SORL1: variants seen among roughly 807,000 people sequenced by gnomAD.
The protein encoded by SORL1 is sortilin-related receptor.
In SORL1, 127 loss-of-function variants were observed where a neutral mutation model predicts 273.7. The ratio of observed to expected loss-of-function variants is 0.46; its 90% CI spans 0.40 to 0.54. The LOEUF (loss-of-function observed/expected upper bound fraction) is 0.54, where lower values mean the gene tolerates loss of function less well. SORL1 is among the 20% of genes least tolerant of loss of function. SORL1 has a pLI of 0.00. For synonymous variants in SORL1, 1,031 were observed against 1,067.4 expected, an observed-to-expected ratio of 0.97 and a Z score of 0.66; for missense variants, 2,494 against 2,846.1, an observed-to-expected ratio of 0.88 and a Z score of 2.81.
intron 35 of SORL1, among the ~76,000 whole-genome samples, chr11:121,605,835 G>A (rs1047653694): frequency 2.0e-5 from 3 of 152,096 alleles, no homozygotes; most frequent in Admixed American, 6.5e-5. Flanking sequence ...CTACCTCTAC[G>A]TTCCTCCTCT....
chr11:121,604,624 G>A (rs1370454615), intron 33 of SORL1, among the ~76,000 whole-genome samples: 1 of 152,018 alleles, frequency 6.6e-6, no homozygotes, highest in African/African-American at 2.4e-5. Context: ...ATCTGCTGGT[G>A]GGATTAACTC....
rs1863848027 is a variant in SORL1 at position 121,629,702 on chromosome 11, AAAAGGAAAG to A, written c.*147_*155del. The A allele has an allele frequency of 8.3e-6, 5 of 604,556 alleles. No homozygotes were observed. The Admixed American group carries it at 1.5e-4, about 18-fold the overall frequency. The allele number at this position is 604,556 out of a possible 1,614,324, so 37.4% of individuals were successfully genotyped here. A position where few individuals can be genotyped will look rare whatever the true frequency, so the allele number is the denominator to read the frequency against. ...CCAAAAACAAAAAACAAAAAAAAAAAAAAGGAAAGAAAGGAATGAATAAACTTTGTAGTA... is the reference window on the plus strand; with the variant it reads ...CCAAAAACAAAAAACAAAAAAAAAAAAAAGGAATGAATAAACTTTGTAGTA... On this transcript the variant is annotated 3_prime_UTR_variant, in exon 48 of 48. Coordinates refer to ENST00000260197, the MANE Select transcript of SORL1 (RefSeq NM_003105.6).
chr11:121,590,559 T>C, intron 30 of SORL1: 1 of 554,208 alleles, frequency 1.8e-6, no homozygotes, highest in Admixed American at 3.2e-5. Flanking sequence ...CACAATGCAT[T>C]TGAGGAGCAC....
At chr11:121,580,767 G>T (rs990915224) in intron 25 of SORL1, among the ~76,000 whole-genome samples, 1 of 151,804 alleles carries the variant, frequency 6.6e-6, no homozygotes, top group African/African-American at 2.4e-5. Flanking sequence ...ATCATGCCTG[G>T]CTAATTTTTG....
chr11:121,597,737 GGCCTGA>G (rs1416988695), intron 32 of SORL1, among the ~76,000 whole-genome samples: 11 of 152,230 alleles, frequency 7.2e-5, no homozygotes, highest in African/African-American at 2.7e-4. Context: ...TGGGATTACA[GGCCTGA>G]GCCACCACGC....
chr11:121,529,102 G>C (rs1177272096), intron 11 of SORL1, among the ~76,000 whole-genome samples: 2 of 152,062 alleles, frequency 1.3e-5, no homozygotes, highest in African/African-American at 4.8e-5. Context: ...CTCATGAATT[G>C]TCCCTTTTAT....
Position 121,550,709 on chromosome 11 carries a change from A to G in SORL1, c.2266+39A>G, listed in dbSNP as rs2134897173. 1.3e-6 allele frequency: 2 copies of G among 1,527,130 alleles called. No individual in the cohort carries two copies. The highest frequency in any genetic ancestry group is 2.3e-5 in the South Asian group (2 of 88,486). The allele number at this position is 1,527,130 out of a possible 1,614,324, so 94.6% of individuals were successfully genotyped here. A position where few individuals can be genotyped will look rare whatever the true frequency, so the allele number is the denominator to read the frequency against. ...TTTCTTCCCTTTCATTTCTTGAGAC[A>G]TGGTTGAAGCAGTATCACGATCTCA... is the stretch of plus-strand genomic sequence containing the variant. On this transcript the variant is annotated intron_variant, in intron 16 of 47. Coordinates refer to ENST00000260197, the MANE Select transcript of SORL1 (RefSeq NM_003105.6). The surrounding 1 kb of genome is among the most constrained non-coding windows in gnomAD (Gnocchi z 5.3).
In SORL1 at chr11:121,513,004, A is replaced by G; in HGVS notation, c.941A>G (p.His314Arg). The G allele has an allele frequency of 6.2e-7, 1 of 1,612,720 alleles. No individual in the cohort carries two copies. ...DKYMFATKVV[H>R]LLGSEQQSSV... ...TTTTTTTCTCCTCTTCCTTGGCAGC[A>G]TCTCTTGGGCAGTGAACAGCAGTCT... is the stretch of plus-strand genomic sequence containing the variant. The change falls in exon 7 of 48, where the codon CAT becomes CGT. Residue 314 changes from histidine to arginine, a missense_variant and splice_region_variant. His to Arg is a conservative substitution (Grantham distance 29, BLOSUM62 0). Transcript: ENST00000260197.
At position 121,588,235 on chromosome 11, in the gene SORL1, A is replaced by G. The variant is rs541939086; in HGVS notation, c.3946+84A>G. On this transcript the variant is annotated intron_variant, in intron 28 of 47. Transcript: ENST00000260197. ...TTGGCCACCCTGGGGTTGTGTCTCT[A>G]TTTAATAACTGACAGGTCTTGGTTG... The G allele has an allele frequency of 5.8e-5, 87 of 1,496,884 alleles. No individual in the cohort carries two copies. In the African/African-American group the frequency reaches 5.9e-4, roughly 10 times the overall value. The allele number at this position is 1,496,884 out of a possible 1,614,324, so 92.7% of individuals were successfully genotyped here.
At chr11:121,501,140 G>C (rs1005206149) in intron 6 of SORL1, among the ~76,000 whole-genome samples, 2 of 152,130 alleles carry the variant, frequency 1.3e-5, no homozygotes, top group African/African-American at 4.8e-5. Context: ...TCTCATACGT[G>C]ATCAATAAAA....
At chr11:121,487,014 G>T (rs1320184632) in intron 3 of SORL1, among the ~76,000 whole-genome samples, 2 of 152,108 alleles carry the variant, frequency 1.3e-5, no homozygotes, top group East Asian at 3.9e-4. Flanking sequence ...CCCCCTTTGT[G>T]CCCAAACCCA....
chr11:121,545,331 C>T lies in SORL1; in HGVS notation c.1953C>T (p.Phe651=). ...GTTTGCTGGGACACAAGACTGTTTT[C>T]AAACGGCGGACCCCCCATGCCACAT... is the stretch of plus-strand genomic sequence containing the variant. ...NECLLGHKTV[F]KRRTPHATCF... The change falls in exon 14 of 48, where the codon TTC becomes TTT. Residue 651 remains phenylalanine (F), a synonymous_variant. Transcript: ENST00000260197. The T allele has an allele frequency of 6.2e-7, 1 of 1,614,164 alleles. No homozygotes were observed.
chr11:121,628,202 G>A (rs577894639), intron 47 of SORL1, among the ~76,000 whole-genome samples: 1 of 152,276 alleles, frequency 6.6e-6, no homozygotes, highest in South Asian at 2.1e-4. Flanking sequence ...GGTTGCTAGT[G>A]TAACCTCACC....
chr11:121,470,586 C>T (rs1003892753), intron 2 of SORL1, among the ~76,000 whole-genome samples: 1 of 152,202 alleles, frequency 6.6e-6, no homozygotes, highest in African/African-American at 2.4e-5. Flanking sequence ...TTTGAAGACT[C>T]AAGATGCCAA....
Position 121,627,836 on chromosome 11 carries a change from G to A in SORL1, c.6577+69G>A. 1 of 1,077,038 alleles carries A rather than the reference G, an allele frequency of 9.3e-7. No homozygotes were observed. Among genetic ancestry groups the A allele is most frequent in the South Asian group, 1.5e-5 (1 of 68,602 alleles). 66.7% of individuals were successfully genotyped at this position (1,077,038 alleles called of 1,614,324 possible). A position where few individuals can be genotyped will look rare whatever the true frequency, so the allele number is the denominator to read the frequency against. Reference sequence around the variant, plus strand: ...CCCCACGCAGCCAATGACTTGATTAGGAAACACCCACCTTCAGCTCCTCTT... The same window carrying A: ...CCCCACGCAGCCAATGACTTGATTAAGAAACACCCACCTTCAGCTCCTCTT... On this transcript the variant is annotated intron_variant, in intron 47 of 47. Coordinates refer to ENST00000260197, the MANE Select transcript of SORL1 (RefSeq NM_003105.6). The surrounding 1 kb of genome is among the most constrained non-coding windows in gnomAD (Gnocchi z 4.9).
At chr11:121,609,646 T>G (rs909273642) in intron 38 of SORL1, 30 of 152,244 alleles carry the variant, frequency 2.0e-4, no homozygotes, top group African/African-American at 7.0e-4. Context: ...AAGTGTTTGT[T>G]GTAAAATATC....
intron 6 of SORL1, among the ~76,000 whole-genome samples, chr11:121,509,740 G>T (rs762496208): frequency 6.4e-4 from 98 of 152,140 alleles, no homozygotes; most frequent in Non-Finnish European, 1.1e-3. Flanking sequence ...CTCCCAAAGT[G>T]CTGGGATTAC....
chr11:121,476,724 C>T (rs2134791177), intron 2 of SORL1, among the ~76,000 whole-genome samples: 1 of 143,850 alleles, frequency 7.0e-6, no homozygotes. Context: ...CTCTCCCTCC[C>T]TTCTCCTCCC....
In SORL1 at chr11:121,558,822, C is replaced by G. The variant is rs1272016364; in HGVS notation, c.2895C>G (p.Ala965=). 1.9e-6 allele frequency: 3 copies of G among 1,614,110 alleles called. No homozygotes were observed. The highest frequency in any genetic ancestry group is 2.5e-6 in the Non-Finnish European group (3 of 1,180,028). ...TGGACAACCTCCCGCACCCCTATGC[C>G]ATTGCTGTCTTTAAGGTGAGTCCAT... The part of the protein sequence containing the change: ...VILDNLPHPY[A]IAVFKNEIYW... The change falls in exon 20 of 48, where the codon GCC becomes GCG. Residue 965 remains alanine (A), a synonymous_variant. Transcript: ENST00000260197.
Sources: gnomAD v4.1 joint callset for allele counts (sites outside exome capture counted in the v4.1 genomes callset) on GRCh38, gnomAD v4.1.1 for gene constraint, Gnocchi (gnomAD v3.1) non-coding constraint, MANE v1.5 for transcripts, NCBI Gene and HGNC (gene_info 2026-07-23, HGNC 2026-07-21) for gene names.